Variants in METTL4 observed in about 807,000 individuals in gnomAD.
METTL4 encodes the protein methyltransferase 4, N6-adenosine, also known as N(6)-adenine-specific methyltransferase METTL4.
METTL4 carries 40 observed loss-of-function variants against 54.0 expected under a neutral mutation model. The observed-to-expected ratio is 0.74, with a 90% CI of 0.58 to 0.96. The LOEUF is 0.96. Ranked by LOEUF, METTL4 falls within the 50% of genes least tolerant of loss-of-function variation. The pLI, the probability that METTL4 is intolerant of heterozygous loss-of-function variation, is 0.00. For missense variants in METTL4, 525 were observed against 549.0 expected (o/e 0.96, Z 0.44); for synonymous variants, 169 against 183.8 (o/e 0.92, Z 0.65).
chr18:2,556,978 T>C (rs2072248167), intron 3 of METTL4, among the ~76,000 whole-genome samples: 2 of 152,066 alleles, frequency 1.3e-5, no homozygotes, highest in Admixed American at 1.3e-4. Context: ...AGAGAAACAG[T>C]AGCAAGAGCT....
chr18:2,551,189 T>C (rs112883756), intron 5 of METTL4, among the ~76,000 whole-genome samples: 1 of 142,836 alleles, frequency 7.0e-6, no homozygotes, highest in African/African-American at 2.7e-5. Context: ...AAAAAAAGAA[T>C]ATTATATCAA....
chr18:2,548,863 C>A (rs4797071), intron 5 of METTL4, among the ~76,000 whole-genome samples: 62,345 of 151,862 alleles, frequency 0.41, 13,195 homozygotes, highest in East Asian at 0.63. Flanking sequence ...GCAAACCTCC[C>A]ATCTTAAATC....
intron 1 of METTL4, among the ~76,000 whole-genome samples, chr18:2,570,397 T>G (rs1034948787): frequency 1.3e-5 from 2 of 152,216 alleles, no homozygotes; most frequent in Non-Finnish European, 1.5e-5. Context: ...CAAGCAATTA[T>G]TTCTGTACTA....
At chr18:2,566,223 T>C (rs2072416684) in intron 2 of METTL4, among the ~76,000 whole-genome samples, 1 of 152,072 alleles carries the variant, frequency 6.6e-6, no homozygotes, top group Non-Finnish European at 1.5e-5. Context: ...TTTGATCCTG[T>C]ATGGCATTCC....
intron 5 of METTL4, among the ~76,000 whole-genome samples, chr18:2,552,185 C>A (rs1230631515): frequency 7.7e-6 from 1 of 129,928 alleles, no homozygotes; most frequent in Non-Finnish European, 1.6e-5. Context: ...GAGTGAGACT[C>A]CATCTCAAAA....
At chr18:2,540,091 T>C (rs755454369) in intron 8 of METTL4, 3 of 978,100 alleles carry the variant, frequency 3.1e-6, no homozygotes, top group Non-Finnish European at 3.6e-6. Flanking sequence ...TTATTCAATG[T>C]ATTAATAACT....
chr18:2,563,041 GA>G (rs981423150), intron 3 of METTL4, among the ~76,000 whole-genome samples: 1 of 150,736 alleles, frequency 6.6e-6, no homozygotes, highest in Non-Finnish European at 1.5e-5. Context: ...GTGCTCCATG[GA>G]AAAAAAAATT....
Position 2,552,773 on chromosome 18 carries a change from A to G in METTL4, c.830-9T>C. ...ATCAAATGTTTTCCTATCTGAAAAC[A>G]AAGATACAATTTCAGAAAATACCTT... On this transcript the variant is annotated splice_polypyrimidine_tract_variant and intron_variant, in intron 4 of 8. Coordinates refer to ENST00000574538, the MANE Select transcript of METTL4 (RefSeq NM_022840.5). 6.3e-7 allele frequency: 1 copy of G among 1,593,222 alleles called. No homozygotes were observed. Among genetic ancestry groups the G allele is most frequent in the Non-Finnish European group, 8.6e-7 (1 of 1,164,006 alleles).
intron 4 of METTL4, chr18:2,554,418 T>C: frequency 7.4e-6 from 3 of 403,628 alleles, no homozygotes; most frequent in Admixed American, 4.2e-5. Flanking sequence ...ACCGAATTCC[T>C]AAGTACAGAG....
At chr18:2,554,606 TCTTAA>T in intron 4 of METTL4, 58 bp downstream of exon 4, 2 of 1,476,128 alleles carry the variant, frequency 1.4e-6, no homozygotes, top group Non-Finnish European at 1.8e-6. Context: ...TCAGACTAGC[TCTTAA>T]CTTTTCAGCC....
At position 2,571,254 on chromosome 18, in the gene METTL4, G is replaced by A. The variant is rs3817346; in HGVS notation, c.-544C>T. ...AAAAATGCCCCTTCCAGTCCACAGA[G>A]AAAAAGCTTTCTCCTTTTCTAAGAG... On this transcript the variant is annotated 5_prime_UTR_variant, in exon 1 of 9. Transcript: ENST00000574538. The A allele has an allele frequency of 0.78, 118,535 of 152,176 alleles. 46,342 individuals carry two copies. Among genetic ancestry groups the A allele is most frequent in the East Asian group, 0.87 (4,483 of 5,178 alleles). The allele number at this position is 152,176 out of a possible 1,614,324, so 9.4% of individuals were successfully genotyped here. A position where few individuals can be genotyped will look rare whatever the true frequency, so the allele number is the denominator to read the frequency against.
At chr18:2,566,487 T>C (rs1229079282) in intron 2 of METTL4, among the ~76,000 whole-genome samples, 1 of 150,212 alleles carries the variant, frequency 6.7e-6, no homozygotes, top group African/African-American at 2.5e-5. Flanking sequence ...ATTCAATTAA[T>C]ACAAATGCCT....
chr18:2,551,302 T>C (rs922129264), intron 5 of METTL4, among the ~76,000 whole-genome samples: 2 of 152,150 alleles, frequency 1.3e-5, no homozygotes, highest in African/African-American at 2.4e-5. Flanking sequence ...TTTCTCTTAA[T>C]TAATTCATTC....
intron 8 of METTL4, among the ~76,000 whole-genome samples, chr18:2,541,861 AATATAT>A (rs1203124343): frequency 1.3e-5 from 2 of 152,194 alleles, no homozygotes; most frequent in Admixed American, 1.3e-4. Context: ...TTATATACAG[AATATAT>A]ATCATCCCAA....
At chr18:2,551,452 C>T (rs1224403037) in intron 5 of METTL4, among the ~76,000 whole-genome samples, 3 of 152,054 alleles carry the variant, frequency 2.0e-5, no homozygotes, top group Admixed American at 2.0e-4. Flanking sequence ...CTTGTAATCT[C>T]AGCACTATGG....
intron 8 of METTL4, among the ~76,000 whole-genome samples, chr18:2,539,480 TA>T (rs869272613): frequency 2.9e-5 from 4 of 140,132 alleles, no homozygotes; most frequent in South Asian, 2.4e-4. Context: ...TTTATTTATT[TA>T]ATTTTTTTTT....
intron 8 of METTL4, among the ~76,000 whole-genome samples, chr18:2,543,665 T>C (rs780213340): frequency 1.2e-4 from 19 of 152,222 alleles, no homozygotes; most frequent in Non-Finnish European, 2.2e-4. Flanking sequence ...CATAGTTTCA[T>C]TGAATGATAA....
At chr18:2,570,981 C>A (rs572886914) in intron 1 of METTL4, among the ~76,000 whole-genome samples, 168 bp downstream of exon 1, 3 of 152,300 alleles carry the variant, frequency 2.0e-5, no homozygotes, top group African/African-American at 7.2e-5. Flanking sequence ...TCCCTCGCCG[C>A]CCGCCCCCAA....
intron 3 of METTL4, among the ~76,000 whole-genome samples, chr18:2,556,088 G>C (rs1276899741): frequency 6.6e-5 from 10 of 152,062 alleles, no homozygotes; most frequent in Admixed American, 6.5e-4. Flanking sequence ...CAGGGGATCT[G>C]CCCAGAATTC....
Sources: allele counts gnomAD v4.1 joint callset (sites outside exome capture counted in the v4.1 genomes callset), GRCh38; gene constraint gnomAD v4.1.1; transcripts MANE v1.5; gene names NCBI Gene and HGNC (gene_info 2026-07-23, HGNC 2026-07-21).